Variants in WASF3 observed in about 807,000 individuals in gnomAD.
The protein encoded by WASF3 is WASP family member 3.
A neutral mutation model predicts 46.6 loss-of-function variants in WASF3; 11 were observed. The observed-to-expected ratio is 0.24, with a 90% CI of 0.15 to 0.39. The LOEUF is 0.39. Among genes scored for constraint, WASF3 ranks in the 10% least tolerant of loss-of-function variants. The pLI is 1.00. For missense variants in WASF3, 576 were observed against 669.8 expected, an observed-to-expected ratio of 0.86 and a Z score of 1.55; for synonymous variants, 242 against 259.7, an observed-to-expected ratio of 0.93 and a Z score of 0.65.
intron 1 of WASF3, among the ~76,000 whole-genome samples, chr13:26,611,031 C>CTTTT (rs71080282): frequency 0.13 from 14,181 of 110,058 alleles, 1,093 homozygotes; most frequent in South Asian, 0.2. Flanking sequence ...TTACTTACTC[C>CTTTT]TTTTTTTTTT....
chr13:26,555,332 A>G (rs1181753031), upstream of WASF3, among the ~76,000 whole-genome samples: 1 of 152,180 alleles, frequency 6.6e-6, no homozygotes, highest in Non-Finnish European at 1.5e-5. Flanking sequence ...TCATGAATTC[A>G]TTTATTCAGC....
intron 1 of WASF3, among the ~76,000 whole-genome samples, chr13:26,592,593 C>A (rs561427313): frequency 6.6e-6 from 1 of 151,996 alleles, no homozygotes; most frequent in African/African-American, 2.4e-5. Context: ...GCCATAGGTC[C>A]CATAGGATCC....
At chr13:26,658,345 T>C (rs1014097793) in intron 3 of WASF3, among the ~76,000 whole-genome samples, 27 of 152,328 alleles carry the variant, frequency 1.8e-4, no homozygotes, top group African/African-American at 6.3e-4. Flanking sequence ...ACTGATAGAC[T>C]TGAATATGAA....
intron 1 of WASF3, among the ~76,000 whole-genome samples, chr13:26,580,695 G>A (rs148803434): frequency 6.7e-5 from 10 of 149,874 alleles, no homozygotes; most frequent in East Asian, 3.9e-4. Flanking sequence ...GCACGATCTC[G>A]GCTCACCTCA....
At chr13:26,577,328 C>G (rs1879830378) in intron 1 of WASF3, 2 of 756,334 alleles carry the variant, frequency 2.6e-6, no homozygotes, top group African/African-American at 1.7e-5. Context: ...ATGTAACAAT[C>G]CGATATGGAA....
At chr13:26,586,639 AG>A (rs1157771967) in intron 1 of WASF3, among the ~76,000 whole-genome samples, 1 of 152,122 alleles carries the variant, frequency 6.6e-6, no homozygotes, top group Non-Finnish European at 1.5e-5. Flanking sequence ...AAGCTTGTCT[AG>A]TTCCTAAGAG....
chr13:26,587,861 G>C (rs1422421111), intron 1 of WASF3, among the ~76,000 whole-genome samples: 1 of 152,094 alleles, frequency 6.6e-6, no homozygotes, highest in Non-Finnish European at 1.5e-5. Context: ...ATTAAAATGA[G>C]TTTTTAAAAT....
At chr13:26,634,691 A>G (rs990606036) in intron 2 of WASF3, among the ~76,000 whole-genome samples, 7 of 152,314 alleles carry the variant, frequency 4.6e-5, no homozygotes, top group African/African-American at 9.6e-5. Context: ...GGTGGTGACA[A>G]AATCTCTCAG....
chr13:26,620,449 A>T (rs1881271753), intron 2 of WASF3: 1 of 152,212 alleles, frequency 6.6e-6, no homozygotes, highest in African/African-American at 2.4e-5. Context: ...TGATTTATTT[A>T]ACTTTAAAAA....
intron 1 of WASF3, among the ~76,000 whole-genome samples, chr13:26,572,493 CTT>C (rs1320322201): frequency 6.6e-6 from 1 of 152,090 alleles, no homozygotes; most frequent in African/African-American, 2.4e-5. Context: ...AATTATATGA[CTT>C]TCTTGTTAGA....
At chr13:26,614,285 C>G (rs1881068165) in intron 2 of WASF3, among the ~76,000 whole-genome samples, 1 of 152,162 alleles carries the variant, frequency 6.6e-6, no homozygotes, top group African/African-American at 2.4e-5. Flanking sequence ...CATACTTTCA[C>G]TTTACAGGTA....
chr13:26,572,656 C>T (rs973940092), intron 1 of WASF3, among the ~76,000 whole-genome samples: 16 of 152,094 alleles, frequency 1.1e-4, no homozygotes, highest in African/African-American at 3.1e-4. Flanking sequence ...ACCTCGGCCT[C>T]CCAGATTCAA....
At position 26,681,251 on chromosome 13, in the gene WASF3, C is replaced by T. The variant is rs773757357; in HGVS notation, c.914C>T (p.Pro305Leu). The T allele has an allele frequency of 5.4e-5, 87 of 1,613,172 alleles. No homozygotes were observed. Among genetic ancestry groups the T allele is most frequent in the Non-Finnish European group, 7.0e-5 (83 of 1,179,744 alleles). Residue 305 changes from proline to leucine, a missense_variant, in exon 8 of 10, where the codon CCC becomes CTC. Around this residue, in one of 3 missense-constraint regions of WASF3, gnomAD observed 295 missense variants for 291.5 expected, o/e 1.01. Coordinates refer to ENST00000335327, the MANE Select transcript of WASF3 (RefSeq NM_006646.6). The stretch of plus-strand genomic sequence containing the variant: ...GCCCTCAACAGACCTCAGCAGCCGC[C>T]CCCCCCGCCTCCCCCTCAGGCCCCA... ...HMALNRPQQP[P>L]PPPPPQAPEG...
In WASF3 at chr13:26,685,816, G is replaced by C. The variant is rs1293055183; in HGVS notation, c.1480G>C (p.Glu494Gln). The C allele has an allele frequency of 1.9e-6, 3 of 1,613,876 alleles. No individual in the cohort carries two copies. Among genetic ancestry groups the C allele is most frequent in the Admixed American group, 1.7e-5 (1 of 60,012 alleles). The change falls in exon 10 of 10, where the codon GAG becomes CAG. Residue 494 changes from glutamate (E) to glutamine (Q), a missense_variant. Glu to Gln is a conservative substitution (Grantham distance 29). Coordinates refer to ENST00000335327, the MANE Select transcript of WASF3 (RefSeq NM_006646.6). The part of the protein sequence containing the change: ...VEYSDSDDDS[E>Q]FDENDWSD ...GTACAGCGACTCTGACGACGACTCA[G>C]AGTTCGACGAGAACGACTGGTCCGA... is the stretch of plus-strand genomic sequence containing the variant.
Position 26,676,676 on chromosome 13 carries a change from G to A in WASF3, c.668G>A (p.Ser223Asn). Reference sequence around the variant, plus strand: ...AGACCCGACAACAGGTTGTCTCAGAGTGTGTACCATGGAGCGTCTTCCGAG... The same window carrying A: ...AGACCCGACAACAGGTTGTCTCAGAATGTGTACCATGGAGCGTCTTCCGAG... ...ELRPDNRLSQ[S>N]VYHGASSEGS... The change falls in exon 7 of 10, where the codon AGT becomes AAT. Residue 223 changes from serine to asparagine, a missense_variant. Physicochemically the swap from Ser to Asn is conservative, Grantham distance 46 (BLOSUM62 1). Transcript: ENST00000335327. The A allele has an allele frequency of 6.2e-7, 1 of 1,614,192 alleles. No homozygotes were observed.
chr13:26,656,113 C>T (rs1347912476), intron 3 of WASF3, among the ~76,000 whole-genome samples: 1 of 152,090 alleles, frequency 6.6e-6, no homozygotes, highest in Admixed American at 6.5e-5. Flanking sequence ...ATACAAGATA[C>T]CTTGATTGTT....
chr13:26,676,722 T>C lies in WASF3; in HGVS notation c.714T>C (p.Thr238=), dbSNP rs773320978. The C allele has an allele frequency of 2.5e-6, 4 of 1,613,062 alleles. No homozygotes were observed. In the African/African-American group the frequency reaches 5.3e-5, roughly 22 times the overall value. The part of the protein sequence containing the change: ...ASSEGSLSPD[T]RSHASDVTDY... The stretch of plus-strand genomic sequence containing the variant: ...CCGAGGGATCCCTGTCCCCAGATAC[T>C]AGGTGTGTGTGTGTCACTGCTCCCT... Residue 238 remains threonine, a splice_region_variant and synonymous_variant, in exon 7 of 10, where the codon ACT becomes ACC. Coordinates refer to ENST00000335327, the MANE Select transcript of WASF3 (RefSeq NM_006646.6).
chr13:26,648,914 A>G (rs1012539255), intron 3 of WASF3, among the ~76,000 whole-genome samples: 2 of 152,200 alleles, frequency 1.3e-5, no homozygotes, highest in African/African-American at 4.8e-5. Context: ...GGAATGTCAG[A>G]AATACTTTCT....
chr13:26,550,389 T>A, the WASF3 span, among the ~76,000 whole-genome samples: 3 of 152,174 alleles, frequency 2.0e-5, no homozygotes, highest in Non-Finnish European at 2.9e-5. Flanking sequence ...CTTCAGGTGC[T>A]GAAGGGAACA....
Sources: gnomAD v4.1 joint callset for allele counts (sites outside exome capture counted in the v4.1 genomes callset) on GRCh38, gnomAD v4.1.1 for gene constraint, gnomAD v4.1.1 regional missense constraint, MANE v1.5 for transcripts, NCBI Gene and HGNC (gene_info 2026-07-23, HGNC 2026-07-21) for gene names.